PLEKHG1: variants seen among roughly 807,000 people sequenced by gnomAD.
PLEKHG1 encodes the protein pleckstrin homology domain-containing family G member 1.
Under a neutral mutation model 100.8 loss-of-function variants are expected in PLEKHG1, and 44 were observed. That is an observed-to-expected ratio of 0.44 (90% CI 0.34 to 0.56). The LOEUF (loss-of-function observed/expected upper bound fraction) is 0.56. Among genes scored for constraint, PLEKHG1 ranks in the 20% least tolerant of loss-of-function variants. The probability of loss-of-function intolerance (pLI) is 0.01; values close to 1 mark genes in which losing one functional copy is unlikely to be tolerated. For missense variants in PLEKHG1, 1,545 were observed against 1,720.9 expected, an observed-to-expected ratio of 0.90 and a Z score of 1.81; for synonymous variants, 640 against 662.5, an observed-to-expected ratio of 0.97 and a Z score of 0.52.
At chr6:150,644,332 G>GGGTTTTTTTTTTTTTTTT (rs1562404967) in intron 2 of PLEKHG1, among the ~76,000 whole-genome samples, 9 of 96,560 alleles carry the variant, frequency 9.3e-5, no homozygotes, top group South Asian at 3.4e-4. Flanking sequence ...TTTTCTTTTC[G>GGGTTTTTTTTTTTTTTTT]TGTTTTTTTT....
chr6:150,721,364 T>G (rs1781665290), intron 1 of PLEKHG1, among the ~76,000 whole-genome samples: 1 of 151,264 alleles, frequency 6.6e-6, no homozygotes, highest in South Asian at 2.1e-4. Flanking sequence ...GAAAACTCTC[T>G]GTTACAAATG....
chr6:150,818,089 CTATT>C (rs1350424000), intron 10 of PLEKHG1, 90 bp from the exon 12 acceptor site: 7 of 950,390 alleles, frequency 7.4e-6, no homozygotes, highest in Middle Eastern at 2.1e-4. Flanking sequence ...TTTTAAAAAT[CTATT>C]TATTCAGGTG....
Position 150,831,099 on chromosome 6 carries a change from A to G in PLEKHG1, c.1988A>G (p.Asn663Ser). ...GATGACATAGACCATGTCTATGATAACATCAGTTATGAGGACTTAAAACTA... is the reference window on the plus strand; with the variant it reads ...GATGACATAGACCATGTCTATGATAGCATCAGTTATGAGGACTTAAAACTA... The change falls in exon 15 of 16, where the codon AAC (asparagine) becomes AGC (serine). Residue 663 changes from asparagine (N) to serine (S), a missense_variant. Physicochemically the swap from Asn to Ser is conservative, Grantham distance 46. Transcript: ENST00000358517. The surrounding 1 kb of genome is among the most constrained non-coding windows in gnomAD (Gnocchi z 4.1). 1 of 1,613,972 alleles carries G rather than the reference A, an allele frequency of 6.2e-7. No individual in the cohort carries two copies. Among genetic ancestry groups the G allele is most frequent in the Non-Finnish European group, 8.5e-7 (1 of 1,179,856 alleles).
At chr6:150,605,402 T>G (rs1013108397) in intron 1 of PLEKHG1, 1 of 152,198 alleles carries the variant, frequency 6.6e-6, no homozygotes, top group South Asian at 2.1e-4. Context: ...ATCTGTAAAG[T>G]AGGGAGTAAG....
At chr6:150,615,104 T>C (rs1385981429) in intron 1 of PLEKHG1, among the ~76,000 whole-genome samples, 2 of 152,356 alleles carry the variant, frequency 1.3e-5, no homozygotes, top group Middle Eastern at 3.4e-3. Context: ...CAGTAACACA[T>C]TGGCAAATCA....
At chr6:150,801,437 CTTT>C (rs35282307) in intron 6 of PLEKHG1, among the ~76,000 whole-genome samples, 15 of 108,770 alleles carry the variant, frequency 1.4e-4, no homozygotes, top group African/African-American at 1.4e-4. Context: ...CTTTTCTTTT[CTTT>C]TTTTTTTTTT....
intron 1 of PLEKHG1, among the ~76,000 whole-genome samples, chr6:150,627,404 A>C (rs1420648841): frequency 6.6e-6 from 1 of 152,284 alleles, no homozygotes; most frequent in East Asian, 1.9e-4. Flanking sequence ...TAAGGTTATC[A>C]GGGTTTCTTC....
chr6:150,809,727 C>T (rs1160096692), exon 10 of PLEKHG1: 2 of 1,611,254 alleles, frequency 1.2e-6, no homozygotes, highest in Non-Finnish European at 1.7e-6. Flanking sequence ...GCCAAGATTC[C>T]AGCTAAGGTA....
At chr6:150,779,349 T>TTTTTTTTG (rs1562511414) in intron 3 of PLEKHG1, among the ~76,000 whole-genome samples, 2 of 144,894 alleles carry the variant, frequency 1.4e-5, no homozygotes, top group African/African-American at 2.7e-5. Flanking sequence ...AAGAAGTTTT[T>TTTTTTTTG]TTTTTTTTTT....
intron 1 of PLEKHG1, among the ~76,000 whole-genome samples, chr6:150,613,836 A>G (rs1055436027): frequency 1.3e-5 from 2 of 152,198 alleles, no homozygotes; most frequent in African/African-American, 4.8e-5. Context: ...CGAATGGCAG[A>G]CACCCGAAAA....
chr6:150,672,920 T>G (rs144737706), intron 3 of PLEKHG1, among the ~76,000 whole-genome samples: 1 of 152,228 alleles, frequency 6.6e-6, no homozygotes, highest in Admixed American at 6.5e-5. Context: ...ACTCTCTGCT[T>G]ATTTCCCCCT....
intron 2 of PLEKHG1, among the ~76,000 whole-genome samples, chr6:150,747,755 G>A (rs937642043): frequency 6.6e-6 from 1 of 152,074 alleles, no homozygotes; most frequent in Non-Finnish European, 1.5e-5. Flanking sequence ...AATTAGCCAG[G>A]CGTGGTGGCG....
chr6:150,738,056 C>T lies in PLEKHG1; in HGVS notation c.411+3964C>T, dbSNP rs111501730. On this transcript the variant is annotated intron_variant, in intron 2 of 15. Transcript: ENST00000358517. ...CTCAAACTGCCAGCCTCAAGAGATCCCTTTGCCTCAGCCTCCCAAAATGGT... is the reference window on the plus strand; with the variant it reads ...CTCAAACTGCCAGCCTCAAGAGATCTCTTTGCCTCAGCCTCCCAAAATGGT... 5.8e-3 allele frequency among the ~76,000 whole-genome samples: 887 copies of T among 152,060 alleles called. 7 individuals are homozygous for T. Among genetic ancestry groups the T allele is most frequent in the African/African-American group, 0.02 (845 of 41,492 alleles).
chr6:150,719,736 G>C (rs1300245547), upstream of PLEKHG1, among the ~76,000 whole-genome samples: 1 of 152,196 alleles, frequency 6.6e-6, no homozygotes, highest in African/African-American at 2.4e-5. Context: ...AGGGGTTGCT[G>C]TGGAGGCCAG....
chr6:150,787,269 C>T (rs976961330), intron 4 of PLEKHG1, among the ~76,000 whole-genome samples: 4 of 152,126 alleles, frequency 2.6e-5, no homozygotes, highest in African/African-American at 9.7e-5. Context: ...TCTTAAGCTG[C>T]ATCAGTGGTT....
chr6:150,733,553 T>C, intron 1 of PLEKHG1, 31 bp from the exon 3 acceptor site: 1 of 1,547,156 alleles, frequency 6.5e-7, no homozygotes, highest in Non-Finnish European at 8.7e-7. Context: ...ATTGCTTATC[T>C]TGTCCTTTTT....
intron 1 of PLEKHG1, among the ~76,000 whole-genome samples, chr6:150,631,330 C>T (rs961411375): frequency 6.6e-5 from 10 of 152,232 alleles, no homozygotes; most frequent in African/African-American, 2.4e-4. Context: ...CAGCACCCTC[C>T]TCCCCAGGTC....
rs951083407 is a variant in PLEKHG1, at chr6:150,795,946, C to T, written c.629+44C>T. The T allele has an allele frequency of 3.1e-6, 4 of 1,289,468 alleles. No homozygotes were observed. The African/African-American group carries it at 4.4e-5, about 14-fold the overall frequency. 79.9% of individuals were successfully genotyped at this position (1,289,468 alleles called of 1,614,324 possible). ...CCAAGAGTACTTTTGTTCACTTTCA[C>T]ATTGTTTCAAGTCAGCTGGTGCAGT... is the stretch of plus-strand genomic sequence containing the variant. On this transcript the variant is annotated intron_variant, in intron 5 of 15. Transcript: ENST00000358517.
chr6:150,809,044 C>T (rs1562537925), intron 7 of PLEKHG1, 61 bp from the exon 9 acceptor site: 23 of 1,480,770 alleles, frequency 1.6e-5, no homozygotes, highest in Non-Finnish European at 2.1e-5. Context: ...AGATGGGCCA[C>T]CAAGCCCTTG....
Sources: allele counts gnomAD v4.1 joint callset (sites outside exome capture counted in the v4.1 genomes callset), GRCh38; gene constraint gnomAD v4.1.1; non-coding constraint Gnocchi (gnomAD v3.1); transcripts MANE v1.5; gene names NCBI Gene and HGNC (gene_info 2026-07-23, HGNC 2026-07-21).